BOD1L1: variants seen among roughly 807,000 people sequenced by gnomAD.
The protein encoded by BOD1L1 is biorientation of chromosomes in cell division protein 1-like 1.
A neutral mutation model predicts 240.7 loss-of-function variants in BOD1L1; 86 were observed. That is an observed-to-expected ratio of 0.36 (90% CI 0.30 to 0.43). The LOEUF is 0.43. BOD1L1 is among the 20% of genes least tolerant of loss of function. The probability of loss-of-function intolerance (pLI) is 1.00; values close to 1 mark genes in which losing one functional copy is unlikely to be tolerated. For missense variants in BOD1L1, 3,554 were observed against 3,643.5 expected (o/e 0.98, Z 0.63); for synonymous variants, 1,268 against 1,272.3 (o/e 1.00, Z 0.07).
chr4:13,607,876 A>G (rs1273052315), intron 8 of BOD1L1, among the ~76,000 whole-genome samples: 1 of 152,202 alleles, frequency 6.6e-6, no homozygotes, highest in African/African-American at 2.4e-5. Flanking sequence ...AATAATAGTA[A>G]GAAATTTGAG....
intron 1 of BOD1L1, among the ~76,000 whole-genome samples, chr4:13,621,550 C>T (rs1180252889): frequency 6.6e-6 from 1 of 152,220 alleles, no homozygotes; most frequent in African/African-American, 2.4e-5. Flanking sequence ...ACCATTCGAG[C>T]AATTCTTGCA....
chr4:13,583,086 TC>T (rs921595401), intron 17 of BOD1L1, among the ~76,000 whole-genome samples: 2 of 152,174 alleles, frequency 1.3e-5, no homozygotes, highest in African/African-American at 2.4e-5. Flanking sequence ...CAGATATTTA[TC>T]TTTGTGGAGT....
chr4:13,591,130 C>T (rs569286631), intron 13 of BOD1L1, among the ~76,000 whole-genome samples: 60 of 152,074 alleles, frequency 3.9e-4, no homozygotes, highest in African/African-American at 1.3e-3. Context: ...GACCCAAACT[C>T]CTGGGCTCAA....
intron 19 of BOD1L1, among the ~76,000 whole-genome samples, chr4:13,581,762 G>A (rs2108893399): frequency 6.6e-6 from 1 of 152,298 alleles, no homozygotes; most frequent in East Asian, 1.9e-4. Context: ...GGGCTGGGAT[G>A]CTCTGTCTGT....
chr4:13,595,739 G>A (rs1714566604), intron 12 of BOD1L1, 121 bp downstream of exon 12: 3 of 658,724 alleles, frequency 4.6e-6, no homozygotes, highest in Non-Finnish European at 5.1e-6. Flanking sequence ...ATTTTAAAAA[G>A]TGAGAGGCAA....
In BOD1L1 at chr4:13,599,895, T is replaced by C; in HGVS notation, c.7005A>G (p.Ala2335=). 1 of 1,613,964 alleles carries C rather than the reference T, an allele frequency of 6.2e-7. No homozygotes were observed. Among genetic ancestry groups the C allele is most frequent in the Non-Finnish European group, 8.5e-7 (1 of 1,179,868 alleles). Residue 2335 remains alanine (A), a synonymous_variant, in exon 10 of 26, where the codon GCA becomes GCG. Coordinates refer to ENST00000040738, the MANE Select transcript of BOD1L1 (RefSeq NM_148894.3). The part of the protein sequence containing the change: ...SDAAIISTST[A]ECMPISASID... ...TGCTGGCGGAAATTGGCATACATTC[T>C]GCTGTGCTGGTGGAGATGATGGCAG...
At position 13,619,254 on chromosome 4, in the gene BOD1L1, G is replaced by A. The variant is rs561895188; in HGVS notation, c.368+689C>T. ...AGCCCAGGAGATTGAGGCTGCAGCA[G>A]GCTATGATTATGCCACTGCACTCCT... is the stretch of plus-strand genomic sequence containing the variant. On this transcript the variant is annotated intron_variant, in intron 2 of 25. Transcript: ENST00000040738. Among the ~76,000 whole-genome samples, 5 of 149,354 alleles carry A rather than the reference G, an allele frequency of 3.3e-5. No individual in the cohort carries two copies. The Admixed American group carries it at 3.4e-4, about 10-fold the overall frequency.
intron 8 of BOD1L1, 96 bp from the exon 9 acceptor site, chr4:13,607,285 T>C: frequency 2.0e-6 from 1 of 493,360 alleles, no homozygotes; most frequent in Non-Finnish European, 3.1e-6. Context: ...ACTATAATTT[T>C]TATTTATCTT....
intron 25 of BOD1L1, among the ~76,000 whole-genome samples, chr4:13,572,373 C>T (rs1712279565): frequency 6.6e-6 from 1 of 152,178 alleles, no homozygotes; most frequent in African/African-American, 2.4e-5. Flanking sequence ...CATCACCTCT[C>T]CAATGCTCTA....
At chr4:13,595,811 T>A (rs757485345) in intron 12 of BOD1L1, 49 bp downstream of exon 12, 1 of 1,515,352 alleles carries the variant, frequency 6.6e-7, no homozygotes, top group East Asian at 2.3e-5. Flanking sequence ...TAAAACCACA[T>A]GCAAGGCAAA....
intron 2 of BOD1L1, 133 bp downstream of exon 2, chr4:13,619,810 G>A (rs1577381964): frequency 6.9e-6 from 8 of 1,165,576 alleles, no homozygotes; most frequent in East Asian, 5.2e-5. Context: ...TACATCACAC[G>A]AAATAGCCAC....
Position 13,627,395 on chromosome 4 carries a change from C to A in BOD1L1, c.193G>T (p.Gly65Trp). ...AMIVNHLKSQ[G>W]LFDQFRRDCL... is the part of the protein sequence containing the mutation. ...TCTCTGCGGAACTGGTCGAAGAGCC[C>A]CTGGCTCTTGAGGTGGTTCACGATC... Residue 65 changes from glycine to tryptophan, a missense_variant, in exon 1 of 26, where the codon GGG becomes TGG. By Grantham distance (184) the Gly-to-Trp change is radical. This residue lies in a region of BOD1L1 where 161 missense variants were observed against 216.4 expected (regional missense o/e 0.74). Transcript: ENST00000040738. The A allele has an allele frequency of 7.2e-7, 1 of 1,394,730 alleles. No homozygotes were observed. The highest frequency in any genetic ancestry group is 2.8e-5 in the East Asian group (1 of 35,726). The allele number at this position is 1,394,730 out of a possible 1,614,324, so 86.4% of individuals were successfully genotyped here.
At position 13,600,665 on chromosome 4, in the gene BOD1L1, T is replaced by C. The variant is rs1178019888; in HGVS notation, c.6235A>G (p.Asn2079Asp). The C allele has an allele frequency of 6.2e-7, 1 of 1,613,858 alleles. No homozygotes were observed. The highest frequency in any genetic ancestry group is 8.5e-7 in the Non-Finnish European group (1 of 1,179,884). The change falls in exon 10 of 26, where the codon AAT becomes GAT. Residue 2079 changes from asparagine (N) to aspartate (D), a missense_variant. Physicochemically the swap from Asn to Asp is conservative, Grantham distance 23. Transcript: ENST00000040738. Reference sequence around the variant, plus strand: ...GCGCTTACCTGAGGGGTGTAATCATTTGTGGTACTGGTGGAAATAATCAAA... The same window carrying C: ...GCGCTTACCTGAGGGGTGTAATCATCTGTGGTACTGGTGGAAATAATCAAA... Reference protein sequence around the residue: ...KVLIISTSTTNDYTPQVSAIT... With the variant: ...KVLIISTSTTDDYTPQVSAIT...
At position 13,604,855 on chromosome 4, in the gene BOD1L1, C is replaced by A; in HGVS notation, c.2045G>T (p.Arg682Leu). Residue 682 changes from arginine (R) to leucine (L), a missense_variant, in exon 10 of 26, where the codon CGC (arginine) becomes CTC (leucine). Physicochemically the swap from Arg to Leu is moderately radical, Grantham distance 102 (BLOSUM62 -2). Transcript: ENST00000040738. ...GGGCTCTTCGGTGCAAATTTCTGAG[C>A]GTTCTACTTGCCTTTTTACATCTCT... ...DTRDVKRQVE[R>L]SEICTEEPQK... 2 of 1,612,034 alleles carry A rather than the reference C, an allele frequency of 1.2e-6. No homozygotes were observed. Among genetic ancestry groups the A allele is most frequent in the South Asian group, 1.1e-5 (1 of 90,414 alleles).
At chr4:13,609,799 T>C (rs1716015161) in intron 6 of BOD1L1, among the ~76,000 whole-genome samples, 1 of 152,236 alleles carries the variant, frequency 6.6e-6, no homozygotes, top group Admixed American at 6.5e-5. Flanking sequence ...ACTTTTCAAC[T>C]GTTCTTATAG....
chr4:13,586,754 C>G (rs939852034), intron 16 of BOD1L1, among the ~76,000 whole-genome samples: 6 of 152,156 alleles, frequency 3.9e-5, no homozygotes, highest in African/African-American at 1.2e-4. Flanking sequence ...GTATAGTTTC[C>G]AGAGATACTT....
At chr4:13,625,044 CTGAA>C (rs1488582045) in intron 1 of BOD1L1, 7 of 150,742 alleles carry the variant, frequency 4.6e-5, no homozygotes, top group African/African-American at 1.7e-4. Context: ...GCATCTGTGG[CTGAA>C]TATGTCTTAT....
intron 24 of BOD1L1, 34 bp from the exon 25 acceptor site, chr4:13,577,025 C>T (rs757927395): frequency 1.2e-6 from 2 of 1,606,032 alleles, no homozygotes; most frequent in South Asian, 1.1e-5. Flanking sequence ...CTGGATTTTA[C>T]AATTCCCAAA....
chr4:13,595,740 T>G, intron 12 of BOD1L1, 120 bp downstream of exon 12: 1 of 663,342 alleles, frequency 1.5e-6, no homozygotes, highest in South Asian at 2.2e-5. Context: ...TTTTAAAAAG[T>G]GAGAGGCAAG....
Sources: allele counts gnomAD v4.1 joint callset (sites outside exome capture counted in the v4.1 genomes callset), GRCh38; gene constraint gnomAD v4.1.1; regional missense constraint gnomAD v4.1.1; transcripts MANE v1.5; gene names NCBI Gene and HGNC (gene_info 2026-07-23, HGNC 2026-07-21).